SLC13A3: variants seen among roughly 807,000 people sequenced by gnomAD.
The protein encoded by SLC13A3 is Na(+)/dicarboxylate cotransporter 3.
A neutral mutation model predicts 59.0 loss-of-function variants in SLC13A3; 40 were observed. The ratio of observed to expected loss-of-function variants is 0.68; its 90% CI spans 0.53 to 0.88. The LOEUF (loss-of-function observed/expected upper bound fraction) is 0.88. SLC13A3 is among the 40% of genes least tolerant of loss of function. The pLI, the probability that SLC13A3 is intolerant of heterozygous loss-of-function variation, is 0.00. For synonymous variants in SLC13A3, 317 were observed against 330.3 expected (o/e 0.96, Z 0.44); for missense variants, 699 against 783.2 (o/e 0.89, Z 1.28).
At chr20:46,590,858 A>G (rs1250539083) in intron 6 of SLC13A3, among the ~76,000 whole-genome samples, 5 of 152,104 alleles carry the variant, frequency 3.3e-5, no homozygotes, top group African/African-American at 1.2e-4. Context: ...AAGAGAAAAA[A>G]ATAATAAAAT....
intron 9 of SLC13A3, among the ~76,000 whole-genome samples, chr20:46,575,894 T>C (rs1039001152): frequency 3.3e-5 from 5 of 152,188 alleles, no homozygotes; most frequent in African/African-American, 1.2e-4. Context: ...ATAATTGTCA[T>C]GGTTCCCACA....
chr20:46,603,150 T>A (rs541620024), intron 3 of SLC13A3, among the ~76,000 whole-genome samples: 1 of 150,580 alleles, frequency 6.6e-6, no homozygotes, highest in East Asian at 2.0e-4. Flanking sequence ...TGCACACCAC[T>A]CCAGCCTGGG....
chr20:46,607,649 C>T (rs1049223062), intron 3 of SLC13A3, among the ~76,000 whole-genome samples: 3 of 152,202 alleles, frequency 2.0e-5, no homozygotes, highest in African/African-American at 7.2e-5. Context: ...AGTCCCTTCC[C>T]CTTCCTGAGT....
chr20:46,674,518 G>A (rs1222568512), upstream of SLC13A3, among the ~76,000 whole-genome samples: 1 of 151,818 alleles, frequency 6.6e-6, no homozygotes, highest in Non-Finnish European at 1.5e-5. Flanking sequence ...TCTGTTTTTT[G>A]TTCCAAACCT....
chr20:46,675,056 C>G (rs2063116404), upstream of SLC13A3, among the ~76,000 whole-genome samples: 1 of 151,964 alleles, frequency 6.6e-6, no homozygotes, highest in Non-Finnish European at 1.5e-5. Context: ...GGAAAGGGAA[C>G]AGCTGCTATG....
At chr20:46,631,407 G>A (rs2062735050) in intron 1 of SLC13A3, among the ~76,000 whole-genome samples, 1 of 152,222 alleles carries the variant, frequency 6.6e-6, no homozygotes, top group Non-Finnish European at 1.5e-5. Context: ...AGGTCACACA[G>A]TGAGTCAGAG....
chr20:46,624,039 C>T (rs929173796), intron 1 of SLC13A3, among the ~76,000 whole-genome samples: 2 of 152,178 alleles, frequency 1.3e-5, no homozygotes, highest in African/African-American at 4.8e-5. Context: ...CGTTCCTAGG[C>T]CAAGAGAACC....
chr20:46,561,647 C>G (rs924310131), intron 12 of SLC13A3, among the ~76,000 whole-genome samples: 5 of 146,724 alleles, frequency 3.4e-5, no homozygotes, highest in African/African-American at 1.3e-4. Context: ...TATTCTTATT[C>G]AAGTTTTTTT....
chr20:46,581,705 A>T (rs915710274), intron 9 of SLC13A3, among the ~76,000 whole-genome samples: 4 of 152,192 alleles, frequency 2.6e-5, no homozygotes, highest in Non-Finnish European at 2.9e-5. Context: ...AACATGAGGA[A>T]GTGGAGTTGG....
chr20:46,613,845 C>G (rs1363752320), intron 1 of SLC13A3, 120 bp from the exon 2 acceptor site: 1 of 881,546 alleles, frequency 1.1e-6, no homozygotes, highest in African/African-American at 1.7e-5. Flanking sequence ...GGGAAGGAGG[C>G]CTGCGGCAGG....
chr20:46,608,726 A>T, intron 3 of SLC13A3: 1 of 874,218 alleles, frequency 1.1e-6, no homozygotes, highest in Non-Finnish European at 1.7e-6. Context: ...TTTAACAGAT[A>T]CGTATTTAAT....
At chr20:46,622,637 T>C (rs941551113) in intron 1 of SLC13A3, among the ~76,000 whole-genome samples, 12 of 148,134 alleles carry the variant, frequency 8.1e-5, no homozygotes, top group East Asian at 2.0e-4. Flanking sequence ...TGTGTGTGTG[T>C]GTGTGTGTGT....
At chr20:46,674,604 C>CATGT (rs1555885012), upstream of SLC13A3, among the ~76,000 whole-genome samples, 1 of 127,882 alleles carries the variant, frequency 7.8e-6, no homozygotes, top group African/African-American at 3.2e-5. Context: ...CGCGCGCGCG[C>CATGT]GTGTGTGTGT....
chr20:46,600,561 C>T (rs139780612), intron 3 of SLC13A3: 55 of 437,492 alleles, frequency 1.3e-4, no homozygotes, highest in Middle Eastern at 6.9e-4. Context: ...GGCTGCTTGA[C>T]AACCCATAAC....
At chr20:46,666,472 TTTGTTGTTGTTGTTGTTGTTG>T in intron 1 of SLC13A3, among the ~76,000 whole-genome samples, 1 of 149,438 alleles carries the variant, frequency 6.7e-6, no homozygotes, top group African/African-American at 2.5e-5. Context: ...GTTTTGTTGC[TTTGTTGTTGTTGTTGTTGTTG>T]TTGTTGTTGT....
At chr20:46,585,679 A>T (rs2062183810) in intron 8 of SLC13A3, 1 of 1,295,480 alleles carries the variant, frequency 7.7e-7, no homozygotes, top group African/African-American at 1.5e-5. Context: ...AGAATTAGAG[A>T]CTGAGATTTA....
intron 1 of SLC13A3, among the ~76,000 whole-genome samples, chr20:46,646,591 G>A (rs1328493282): frequency 6.6e-6 from 1 of 152,214 alleles, no homozygotes; most frequent in Non-Finnish European, 1.5e-5. Context: ...AAGGTTTCCA[G>A]CCCAGGCTCC....
At chr20:46,664,870 G>A (rs1232141245) in intron 1 of SLC13A3, among the ~76,000 whole-genome samples, 4 of 152,102 alleles carry the variant, frequency 2.6e-5, no homozygotes, top group African/African-American at 9.7e-5. Context: ...GAGGCAGCAG[G>A]CAACATGACA....
intron 11 of SLC13A3, among the ~76,000 whole-genome samples, chr20:46,564,282 G>A (rs1016705110): frequency 8.5e-5 from 13 of 152,290 alleles, no homozygotes; most frequent in African/African-American, 3.1e-4. Flanking sequence ...CTATGAGCTG[G>A]CCTCAGCTAG....
Sources: allele counts gnomAD v4.1 joint callset (sites outside exome capture counted in the v4.1 genomes callset), GRCh38; gene constraint gnomAD v4.1.1; transcripts MANE v1.5; gene names NCBI Gene and HGNC (gene_info 2026-07-23, HGNC 2026-07-21).